PDE7A: variants seen among roughly 807,000 people sequenced by gnomAD.
The protein encoded by PDE7A is phosphodiesterase 7A.
In PDE7A, 39 loss-of-function variants were observed where a neutral mutation model predicts 64.3. The observed-to-expected ratio is 0.61, with a 90% CI of 0.47 to 0.79. The LOEUF is 0.79. PDE7A is among the 30% of genes least tolerant of loss of function. PDE7A has a pLI of 0.00. For missense variants in PDE7A, 470 were observed against 582.8 expected (o/e 0.81, Z 1.99); for synonymous variants, 203 against 206.8 (o/e 0.98, Z 0.16).
chr8:65,720,031 T>A (rs17304516), intron 12 of PDE7A, among the ~76,000 whole-genome samples: 2 of 152,190 alleles, frequency 1.3e-5, no homozygotes, highest in Non-Finnish European at 1.5e-5. Context: ...GCAAAACTTA[T>A]GATAAGAGTC....
intron 1 of PDE7A, among the ~76,000 whole-genome samples, chr8:65,812,349 TAGA>T (rs912982780): frequency 6.6e-6 from 1 of 151,340 alleles, no homozygotes; most frequent in Admixed American, 6.6e-5. Flanking sequence ...GGCTAGTAAA[TAGA>T]GGAGGAAAGG....
At chr8:65,732,252 G>T (rs1806924375) in intron 7 of PDE7A, among the ~76,000 whole-genome samples, 1 of 152,078 alleles carries the variant, frequency 6.6e-6, no homozygotes, top group Non-Finnish European at 1.5e-5. Context: ...ACCAGCCTCG[G>T]CCTCCCAAAA....
At chr8:65,815,095 T>A (rs1454776639) in intron 1 of PDE7A, among the ~76,000 whole-genome samples, 7 of 151,468 alleles carry the variant, frequency 4.6e-5, no homozygotes, top group African/African-American at 1.7e-4. Flanking sequence ...AAAAAAAAAA[T>A]TAATTTTGCC....
chr8:65,808,305 C>T (rs1810158671), intron 1 of PDE7A, among the ~76,000 whole-genome samples: 1 of 152,074 alleles, frequency 6.6e-6, no homozygotes, highest in Admixed American at 6.6e-5. Flanking sequence ...TTCTTATTCC[C>T]ATAATAAAGT....
At chr8:65,763,240 T>A (rs1808600356) in intron 3 of PDE7A, among the ~76,000 whole-genome samples, 1 of 151,936 alleles carries the variant, frequency 6.6e-6, no homozygotes, top group African/African-American at 2.4e-5. Flanking sequence ...TTTGAAAAAA[T>A]TTAATAAAAT....
intron 1 of PDE7A, among the ~76,000 whole-genome samples, chr8:65,811,637 T>A (rs971322817): frequency 3.3e-5 from 5 of 152,238 alleles, no homozygotes; most frequent in African/African-American, 9.6e-5. Context: ...GGCACTTTAT[T>A]TGGATTAATC....
intron 3 of PDE7A, among the ~76,000 whole-genome samples, chr8:65,760,334 TATC>T (rs1808430038): frequency 1.3e-5 from 2 of 152,366 alleles, no homozygotes; most frequent in African/African-American, 4.8e-5. Context: ...TGTATGAAAT[TATC>T]ATCACTTAAT....
chr8:65,736,646 G>A (rs1285800818), intron 6 of PDE7A, among the ~76,000 whole-genome samples: 1 of 151,992 alleles, frequency 6.6e-6, no homozygotes, highest in Non-Finnish European at 1.5e-5. Context: ...AGCTACTCGG[G>A]AGGCTGAGGT....
intron 1 of PDE7A, among the ~76,000 whole-genome samples, chr8:65,798,380 T>C (rs1244261789): frequency 6.6e-6 from 1 of 151,738 alleles, no homozygotes; most frequent in African/African-American, 2.4e-5. Flanking sequence ...CAGCTAATTT[T>C]TGTATTTTTA....
chr8:65,772,689 T>C (rs553511318), intron 3 of PDE7A, among the ~76,000 whole-genome samples: 2 of 152,304 alleles, frequency 1.3e-5, no homozygotes, highest in African/African-American at 4.8e-5. Context: ...AGCTCAACTT[T>C]ACTGTGCATA....
intron 1 of PDE7A, among the ~76,000 whole-genome samples, chr8:65,787,499 C>A (rs940733314): frequency 6.6e-6 from 1 of 152,186 alleles, no homozygotes; most frequent in African/African-American, 2.4e-5. Context: ...GAAAAACATG[C>A]TTGTACTTGA....
chr8:65,726,781 C>A, intron 9 of PDE7A, 94 bp downstream of exon 9: 2 of 678,990 alleles, frequency 2.9e-6, no homozygotes, highest in South Asian at 2.0e-5. Context: ...TGTGGAACAC[C>A]TGAACATAAC....
intron 1 of PDE7A, among the ~76,000 whole-genome samples, chr8:65,814,036 A>G (rs1810318327): frequency 6.6e-6 from 1 of 152,152 alleles, no homozygotes; most frequent in African/African-American, 2.4e-5. Context: ...GTGCAAACTA[A>G]TTTTAAAAGT....
intron 1 of PDE7A, among the ~76,000 whole-genome samples, chr8:65,797,865 G>T (rs941602294): frequency 2.0e-5 from 3 of 150,980 alleles, no homozygotes; most frequent in Admixed American, 1.3e-4. Flanking sequence ...AATTAAAAAT[G>T]AATTATATAT....
chr8:65,777,912 T>C (rs1809305645), intron 3 of PDE7A, among the ~76,000 whole-genome samples: 1 of 152,230 alleles, frequency 6.6e-6, no homozygotes, highest in Non-Finnish European at 1.5e-5. Flanking sequence ...AGATTTATAA[T>C]ACTTCCTGAA....
intron 1 of PDE7A, chr8:65,788,872 G>C (rs1173761697): frequency 2.6e-6 from 4 of 1,567,778 alleles, no homozygotes; most frequent in Non-Finnish European, 3.5e-6. Flanking sequence ...TAAAAATAAA[G>C]ATGGCCTACC....
At chr8:65,823,909 G>A (rs1810602369) in intron 1 of PDE7A, among the ~76,000 whole-genome samples, 1 of 151,972 alleles carries the variant, frequency 6.6e-6, no homozygotes, top group Non-Finnish European at 1.5e-5. Flanking sequence ...GCAAAAAAAG[G>A]GAAAGTTTCC....
chr8:65,773,501 C>T (rs1387320141), intron 3 of PDE7A, among the ~76,000 whole-genome samples: 1 of 152,218 alleles, frequency 6.6e-6, no homozygotes, highest in Non-Finnish European at 1.5e-5. Context: ...GCTTCCACAT[C>T]ACTGGATCAG....
intron 3 of PDE7A, among the ~76,000 whole-genome samples, chr8:65,774,330 T>G (rs1212626958): frequency 7.3e-6 from 1 of 137,764 alleles, no homozygotes; most frequent in Admixed American, 7.0e-5. Context: ...TTATAAAAAG[T>G]TATATTTGCT....
Sources: allele counts gnomAD v4.1 joint callset (sites outside exome capture counted in the v4.1 genomes callset), GRCh38; gene constraint gnomAD v4.1.1; transcripts MANE v1.5; gene names NCBI Gene and HGNC (gene_info 2026-07-23, HGNC 2026-07-21).